PPFIBP2: variants seen among roughly 807,000 people sequenced by gnomAD.
PPFIBP2 encodes the protein PPFIB scaffold protein 2.
A neutral mutation model predicts 118.3 loss-of-function variants in PPFIBP2; 118 were observed. That is an observed-to-expected ratio of 1.00 (90% CI 0.86 to 1.16). The LOEUF (loss-of-function observed/expected upper bound fraction) is 1.16, where lower values mean the gene tolerates loss of function less well. Ranked by LOEUF, PPFIBP2 falls within the 50% of genes most tolerant of loss-of-function variation. The probability of loss-of-function intolerance (pLI) is 0.00; values close to 1 mark genes in which losing one functional copy is unlikely to be tolerated. For missense variants in PPFIBP2, 1,195 were observed against 1,073.1 expected, an observed-to-expected ratio of 1.11 and a Z score of -1.59; for synonymous variants, 414 against 397.4, an observed-to-expected ratio of 1.04 and a Z score of -0.50.
chr11:7,611,004 A>G (rs1389710796), intron 6 of PPFIBP2, among the ~76,000 whole-genome samples: 1 of 152,194 alleles, frequency 6.6e-6, no homozygotes, highest in African/African-American at 2.4e-5. Context: ...ATGTTTAGAG[A>G]ATTTTACACT....
intron 1 of PPFIBP2, among the ~76,000 whole-genome samples, chr11:7,537,963 G>T (rs1237940076): frequency 2.0e-5 from 3 of 152,052 alleles, no homozygotes; most frequent in Non-Finnish European, 4.4e-5. Flanking sequence ...TGCTTGAGTT[G>T]GGAAAAGGAT....
At chr11:7,532,636 G>A (rs774408333) in intron 1 of PPFIBP2, among the ~76,000 whole-genome samples, 28 of 152,272 alleles carry the variant, frequency 1.8e-4, no homozygotes, top group Non-Finnish European at 3.1e-4. Flanking sequence ...TGTGGCCCTC[G>A]GAACTCCAGT....
At chr11:7,637,879 C>A (rs943986752) in intron 14 of PPFIBP2, among the ~76,000 whole-genome samples, 2 of 152,178 alleles carry the variant, frequency 1.3e-5, no homozygotes, top group Non-Finnish European at 2.9e-5. Flanking sequence ...GGTATGTGTT[C>A]TCCTTGCATC....
At chr11:7,605,174 C>G (rs12798033) in intron 5 of PPFIBP2, among the ~76,000 whole-genome samples, 26,295 of 152,154 alleles carry the variant, frequency 0.17, 3,569 homozygotes, top group African/African-American at 0.38. Flanking sequence ...GTACAATTGT[C>G]GCAGTTTATC....
intron 1 of PPFIBP2, among the ~76,000 whole-genome samples, chr11:7,543,231 G>C (rs929901709): frequency 6.6e-6 from 1 of 152,240 alleles, no homozygotes; most frequent in African/African-American, 2.4e-5. Flanking sequence ...TAAGCTTAGG[G>C]ATAGCAAAAG....
intron 7 of PPFIBP2, among the ~76,000 whole-genome samples, chr11:7,623,057 G>T (rs1849543159): frequency 6.6e-6 from 1 of 152,116 alleles, no homozygotes. Flanking sequence ...ATTCTCACTT[G>T]ACTGGGAAGG....
intron 2 of PPFIBP2, among the ~76,000 whole-genome samples, chr11:7,553,301 T>C (rs1362557244): frequency 6.6e-6 from 1 of 152,200 alleles, no homozygotes; most frequent in African/African-American, 2.4e-5. Context: ...CACACAGATA[T>C]TTGACAGGAG....
chr11:7,618,378 G>A (rs892249476), intron 6 of PPFIBP2, among the ~76,000 whole-genome samples: 1 of 152,222 alleles, frequency 6.6e-6, no homozygotes. Context: ...GGAAGAGGAT[G>A]TTCCAGAGGT....
At chr11:7,526,178 G>T (rs1850208927) in intron 1 of PPFIBP2, among the ~76,000 whole-genome samples, 2 of 152,166 alleles carry the variant, frequency 1.3e-5, no homozygotes, top group South Asian at 4.1e-4. Context: ...AGGGAGGAAG[G>T]TATACTGAAA....
chr11:7,665,547 C>G, the PPFIBP2 span: 1 of 1,599,000 alleles, frequency 6.3e-7, no homozygotes, highest in African/African-American at 1.3e-5. Flanking sequence ...TACTTCCAGC[C>G]TGAAATGAAG....
chr11:7,520,267 C>T (rs1050324080), intron 1 of PPFIBP2, among the ~76,000 whole-genome samples: 4 of 152,156 alleles, frequency 2.6e-5, no homozygotes, highest in African/African-American at 7.2e-5. Context: ...GTAGCTGCTA[C>T]GTGGTACCCA....
At chr11:7,642,624 G>A (rs1852369698) in intron 17 of PPFIBP2, among the ~76,000 whole-genome samples, 198 bp downstream of exon 17, 1 of 152,154 alleles carries the variant, frequency 6.6e-6, no homozygotes, top group African/African-American at 2.4e-5. Context: ...GCCAAGATCA[G>A]TACTCCTGGA....
intron 9 of PPFIBP2, among the ~76,000 whole-genome samples, chr11:7,629,066 A>G (rs559675341): frequency 6.6e-6 from 1 of 152,314 alleles, no homozygotes; most frequent in Middle Eastern, 3.4e-3. Context: ...ACTCCTAGGG[A>G]ACAAATGAGT....
At chr11:7,556,221 C>A (rs891067120) in intron 2 of PPFIBP2, among the ~76,000 whole-genome samples, 4 of 152,056 alleles carry the variant, frequency 2.6e-5, no homozygotes, top group African/African-American at 4.8e-5. Context: ...TTTGGGAGGC[C>A]GAGGCGGGCG....
Position 7,648,425 on chromosome 11 carries a change from G to A in PPFIBP2, c.1685G>A (p.Arg562His), listed in dbSNP as rs1276250155. Residue 562 changes from arginine (R) to histidine (H), a missense_variant, in exon 18 of 24, where the codon CGT (arginine) becomes CAT (histidine). Arg to His is a conservative substitution (Grantham distance 29). Coordinates refer to ENST00000299492, the MANE Select transcript of PPFIBP2 (RefSeq NM_003621.5). Reference sequence around the variant, plus strand: ...CCCTTTGCCCAGTGGAGCACAGAGCGTGTGTGTGCATGGCTGGAGGACTTT... The same window carrying A: ...CCCTTTGCCCAGTGGAGCACAGAGCATGTGTGTGCATGGCTGGAGGACTTT... ...NAPFAQWSTE[R>H]VCAWLEDFGL... 22 of 1,613,992 alleles carry A rather than the reference G, an allele frequency of 1.4e-5. No individual in the cohort carries two copies. Among genetic ancestry groups the A allele is most frequent in the South Asian group, 1.2e-4 (11 of 91,074 alleles).
intron 17 of PPFIBP2, among the ~76,000 whole-genome samples, chr11:7,647,497 T>C (rs1453505732): frequency 6.6e-6 from 1 of 152,156 alleles, no homozygotes; most frequent in African/African-American, 2.4e-5. Context: ...TCCCCACACA[T>C]AATCACACAA....
intron 3 of PPFIBP2, among the ~76,000 whole-genome samples, chr11:7,583,918 C>T (rs1426906959): frequency 6.6e-6 from 1 of 152,192 alleles, no homozygotes; most frequent in Non-Finnish European, 1.5e-5. Context: ...CTCACATTCT[C>T]CTAGGGGTAT....
chr11:7,522,629 C>T (rs1243888603), intron 1 of PPFIBP2, among the ~76,000 whole-genome samples: 1 of 152,084 alleles, frequency 6.6e-6, no homozygotes, highest in Non-Finnish European at 1.5e-5. Context: ...GGGAATGAGA[C>T]CAGGTTTGGG....
chr11:7,554,784 G>GAGAC, intron 2 of PPFIBP2, among the ~76,000 whole-genome samples: 1 of 95,984 alleles, frequency 1.0e-5, no homozygotes, highest in African/African-American at 7.0e-5. Context: ...TGAATCCCAG[G>GAGAC]TGACTAGACT....
Sources: allele counts gnomAD v4.1 joint callset (sites outside exome capture counted in the v4.1 genomes callset), GRCh38; gene constraint gnomAD v4.1.1; transcripts MANE v1.5; gene names NCBI Gene and HGNC (gene_info 2026-07-23, HGNC 2026-07-21).